The following MALRD1 variants were observed in gnomAD, a reference collection of about 807,000 sequenced individuals.
The protein encoded by MALRD1 is MAM and LDL-receptor class A domain-containing protein 1.
MALRD1 carries 247 observed loss-of-function variants against 242.1 expected under a neutral mutation model. The ratio of observed to expected loss-of-function variants is 1.02; its 90% CI spans 0.92 to 1.13. MALRD1 has a LOEUF of 1.13. MALRD1 is among the 50% of genes most tolerant of loss of function. The pLI is 0.00. For missense variants in MALRD1, 2,989 were observed against 2,533.1 expected, an observed-to-expected ratio of 1.18 and a Z score of -3.86; for synonymous variants, 995 against 866.6, an observed-to-expected ratio of 1.15 and a Z score of -2.60.
intron 36 of MALRD1, among the ~76,000 whole-genome samples, chr10:19,669,672 A>G (rs1841824579): frequency 1.3e-5 from 2 of 152,216 alleles, no homozygotes; most frequent in Non-Finnish European, 1.5e-5. Context: ...AATAAATTAG[A>G]TAATTAACTC....
At chr10:19,237,550 T>TA (rs1838381781) in intron 18 of MALRD1, among the ~76,000 whole-genome samples, 297 of 121,354 alleles carry the variant, frequency 2.4e-3, no homozygotes, top group Non-Finnish European at 3.0e-3. Flanking sequence ...TTATGTATAA[T>TA]TATAATTACA....
At chr10:19,404,757 TA>T (rs1435248495) in intron 28 of MALRD1, among the ~76,000 whole-genome samples, 2 of 152,240 alleles carry the variant, frequency 1.3e-5, no homozygotes, top group East Asian at 3.9e-4. Context: ...ATAATTTGTT[TA>T]AAAAATAGCA....
intron 18 of MALRD1, among the ~76,000 whole-genome samples, chr10:19,246,496 G>C (rs1839054172): frequency 6.6e-6 from 1 of 152,122 alleles, no homozygotes; most frequent in South Asian, 2.1e-4. Context: ...GATGTAATTT[G>C]ATCTGGAATT....
chr10:19,125,288 T>TC (rs1564407705), intron 7 of MALRD1, among the ~76,000 whole-genome samples: 2 of 80,004 alleles, frequency 2.5e-5, no homozygotes, highest in African/African-American at 1.5e-4. Flanking sequence ...TTTCTTTCTT[T>TC]CTTTCCTTCC....
intron 32 of MALRD1, among the ~76,000 whole-genome samples, chr10:19,547,943 C>A (rs1835313405): frequency 7.5e-6 from 1 of 132,970 alleles, no homozygotes; most frequent in Non-Finnish European, 1.6e-5. Flanking sequence ...GTTTCTGTGT[C>A]ACATTTTGAT....
chr10:19,287,117 A>T (rs946275431), intron 21 of MALRD1, among the ~76,000 whole-genome samples: 2 of 152,250 alleles, frequency 1.3e-5, no homozygotes, highest in African/African-American at 2.4e-5. Flanking sequence ...GACTGCATGC[A>T]TCTAGTCTAA....
chr10:19,163,349 T>A (rs1392956235), intron 12 of MALRD1, among the ~76,000 whole-genome samples: 2 of 151,960 alleles, frequency 1.3e-5, no homozygotes, highest in Non-Finnish European at 2.9e-5. Context: ...ATGTCTTTTG[T>A]GGGAACGTGG....
intron 36 of MALRD1, among the ~76,000 whole-genome samples, chr10:19,646,192 T>C (rs1840649275): frequency 6.6e-6 from 1 of 152,038 alleles, no homozygotes; most frequent in Non-Finnish European, 1.5e-5. Context: ...TTAGGAAGAG[T>C]GTTGGCATGT....
At chr10:19,691,536 C>A (rs770238445) in intron 36 of MALRD1, among the ~76,000 whole-genome samples, 1 of 152,026 alleles carries the variant, frequency 6.6e-6, no homozygotes, top group Non-Finnish European at 1.5e-5. Context: ...AATTTGTATC[C>A]TGTTACTGAT....
chr10:19,675,901 A>T (rs1039199928), intron 36 of MALRD1, among the ~76,000 whole-genome samples: 2 of 152,244 alleles, frequency 1.3e-5, no homozygotes, highest in Admixed American at 6.5e-5. Context: ...GCTGGGTTCC[A>T]TGAGACCAAA....
At chr10:19,369,585 C>T (rs992548006) in intron 26 of MALRD1, among the ~76,000 whole-genome samples, 3 of 148,482 alleles carry the variant, frequency 2.0e-5, no homozygotes, top group Non-Finnish European at 3.0e-5. Flanking sequence ...GTGAATATAT[C>T]CATATAAATA....
chr10:19,419,437 G>A (rs554327155), intron 28 of MALRD1, among the ~76,000 whole-genome samples: 5 of 152,272 alleles, frequency 3.3e-5, no homozygotes, highest in African/African-American at 9.6e-5. Context: ...CATGACTACA[G>A]GTGCATGCCA....
intron 15 of MALRD1, 93 bp downstream of exon 15, chr10:19,203,973 C>G (rs1476284302): frequency 2.9e-6 from 4 of 1,392,250 alleles, no homozygotes; most frequent in Non-Finnish European, 4.0e-6. Context: ...TCTGTGATAA[C>G]TACAACAAAC....
At chr10:19,575,660 A>G (rs1336400119) in intron 33 of MALRD1, among the ~76,000 whole-genome samples, 10 of 152,160 alleles carry the variant, frequency 6.6e-5, no homozygotes, top group Admixed American at 6.5e-4. Flanking sequence ...AAATGCCATT[A>G]ATGTCTTCAG....
intron 31 of MALRD1, among the ~76,000 whole-genome samples, chr10:19,501,981 T>C (rs1461272183): frequency 6.8e-6 from 1 of 146,776 alleles, no homozygotes; most frequent in Non-Finnish European, 1.5e-5. Context: ...GTGTCGTGTT[T>C]ACTCCATTGC....
chr10:19,527,011 A>C (rs1834131316), intron 31 of MALRD1, among the ~76,000 whole-genome samples: 1 of 152,178 alleles, frequency 6.6e-6, no homozygotes, highest in Admixed American at 6.5e-5. Flanking sequence ...ACACCCCATT[A>C]GAAAATAACT....
chr10:19,592,728 G>GAC lies in MALRD1; in HGVS notation c.5681-2433_5681-2432dup, dbSNP rs71949886. Among the ~76,000 whole-genome samples the GAC allele has an allele frequency of 6.2e-3, 773 of 123,902 alleles. 3 individuals carry two copies. Among genetic ancestry groups the GAC allele is most frequent in the African/African-American group, 8.2e-3 (285 of 34,896 alleles). 81.3% of individuals were successfully genotyped at this position (123,902 alleles called of 152,430 possible). A position where few individuals can be genotyped will look rare whatever the true frequency, so the allele number is the denominator to read the frequency against. ...TATCCACTATAAGGAAAAATATAAAGACACACACACACACACACACACACA... is the reference window on the plus strand; with the variant it reads ...TATCCACTATAAGGAAAAATATAAAGACACACACACACACACACACACACACA... On this transcript the variant is annotated intron_variant, in intron 33 of 39. Transcript: ENST00000454679.
chr10:19,176,755 G>A (rs1588656736), intron 14 of MALRD1, among the ~76,000 whole-genome samples: 1 of 152,172 alleles, frequency 6.6e-6, no homozygotes, highest in South Asian at 2.1e-4. Flanking sequence ...ACCATTCTAA[G>A]CTCTGCGCAT....
chr10:19,643,987 A>G (rs1564511214), intron 36 of MALRD1, among the ~76,000 whole-genome samples: 1 of 152,130 alleles, frequency 6.6e-6, no homozygotes, highest in African/African-American at 2.4e-5. Flanking sequence ...GCTTCTGGCA[A>G]GCAGCTCTCT....
Sources: gnomAD v4.1 joint callset for allele counts (sites outside exome capture counted in the v4.1 genomes callset) on GRCh38, gnomAD v4.1.1 for gene constraint, MANE v1.5 for transcripts, NCBI Gene and HGNC (gene_info 2026-07-23, HGNC 2026-07-21) for gene names.